The following SLC39A8 variants were observed in gnomAD, a reference collection of about 807,000 sequenced individuals.
The protein encoded by SLC39A8 is metal cation symporter ZIP8.
Under a neutral mutation model 40.4 loss-of-function variants are expected in SLC39A8, and 15 were observed. That is an observed-to-expected ratio of 0.37 (90% confidence interval 0.25 to 0.57). The LOEUF is 0.57. Among genes scored for constraint, SLC39A8 ranks in the 20% least tolerant of loss-of-function variants. The pLI, the probability that SLC39A8 is intolerant of heterozygous loss-of-function variation, is 0.75. For synonymous variants in SLC39A8, 223 were observed against 221.6 expected, an observed-to-expected ratio of 1.01 and a Z score of -0.06; for missense variants, 472 against 558.8, an observed-to-expected ratio of 0.84 and a Z score of 1.57.
rs1443581957 is a variant in SLC39A8 at position 102,304,998 on chromosome 4, T to A, written c.666A>T (p.Thr222=). The change falls in exon 5 of 9, where the codon ACA becomes ACT. Residue 222 remains threonine, a synonymous_variant. Coordinates refer to ENST00000356736, the MANE Select transcript of SLC39A8 (RefSeq NM_001135146.2). ...AATAAAGTCCATTTACCTGACCATATGTCTTTAATAACATCTTTAGCATTC... is the reference window on the plus strand; with the variant it reads ...AATAAAGTCCATTTACCTGACCATAAGTCTTTAATAACATCTTTAGCATTC... ...FERMLKMLLK[T]YGQNGHTHFG... 2 of 1,603,738 alleles carry A rather than the reference T, an allele frequency of 1.2e-6. No individual in the cohort carries two copies. The highest frequency in any genetic ancestry group is 3.4e-5 in the Admixed American group (2 of 59,264).
In SLC39A8 at chr4:102,293,612, T is replaced by C. The variant is rs955487192; in HGVS notation, c.840+10705A>G. Among the ~76,000 whole-genome samples the C allele has an allele frequency of 5.9e-5, 9 of 152,054 alleles. No individual in the cohort carries two copies. In the South Asian group the frequency reaches 1.9e-3, roughly 31 times the overall value. On this transcript the variant is annotated intron_variant, in intron 6 of 8. Transcript: ENST00000356736. ...AAAACAGTAGGAAAAAAGTTATCAT[T>C]TGTGATACCTGTGGAGCTACAAAGT...
intron 2 of SLC39A8, among the ~76,000 whole-genome samples, chr4:102,331,208 T>C (rs980757206): frequency 6.6e-6 from 1 of 152,148 alleles, no homozygotes; most frequent in Non-Finnish European, 1.5e-5. Flanking sequence ...TGAAGGGTAT[T>C]CAAACAGGAA....
chr4:102,270,557 T>C (rs1018738667), intron 6 of SLC39A8, among the ~76,000 whole-genome samples: 1 of 152,230 alleles, frequency 6.6e-6, no homozygotes, highest in African/African-American at 2.4e-5. Context: ...CTATTGTTAT[T>C]GTTGTTCACT....
At chr4:102,266,449 A>T (rs1022188713) in intron 8 of SLC39A8, among the ~76,000 whole-genome samples, 3 of 152,150 alleles carry the variant, frequency 2.0e-5, no homozygotes, top group African/African-American at 7.2e-5. Context: ...GAATGCAAAT[A>T]AAAAACTCAA....
chr4:102,283,949 G>A (rs1363502854), intron 6 of SLC39A8, among the ~76,000 whole-genome samples: 1 of 152,040 alleles, frequency 6.6e-6, no homozygotes, highest in Admixed American at 6.6e-5. Context: ...TTATTCTCTC[G>A]GATATTCACA....
chr4:102,271,356 GT>G (rs150666561), intron 6 of SLC39A8, among the ~76,000 whole-genome samples: 1,529 of 152,286 alleles, frequency 0.01, 27 homozygotes, highest in African/African-American at 0.035. Context: ...GATAGCTTCA[GT>G]AATAAAGTGA....
chr4:102,325,654 T>C (rs1365062383), intron 2 of SLC39A8, among the ~76,000 whole-genome samples: 1 of 152,214 alleles, frequency 6.6e-6, no homozygotes, highest in Non-Finnish European at 1.5e-5. Context: ...CTCTGAGTGG[T>C]AAAATTATGT....
chr4:102,327,004 T>C (rs1034884627), intron 2 of SLC39A8, among the ~76,000 whole-genome samples: 1 of 152,154 alleles, frequency 6.6e-6, no homozygotes, highest in African/African-American at 2.4e-5. Flanking sequence ...ATTTCTGGCC[T>C]GGCATGGTGG....
intron 6 of SLC39A8, among the ~76,000 whole-genome samples, chr4:102,274,267 A>G (rs1213505150): frequency 1.3e-5 from 2 of 152,234 alleles, no homozygotes; most frequent in African/African-American, 4.8e-5. Context: ...ATGATCTGAT[A>G]AAGTCGAAAA....
At chr4:102,258,506 T>C (rs926195812), downstream of SLC39A8, among the ~76,000 whole-genome samples, 5 of 152,124 alleles carry the variant, frequency 3.3e-5, no homozygotes, top group Non-Finnish European at 7.4e-5. Context: ...TTATTGAAAA[T>C]GTCCAATCCA....
intron 2 of SLC39A8, among the ~76,000 whole-genome samples, chr4:102,335,347 T>C (rs977497275): frequency 1.3e-5 from 2 of 152,192 alleles, no homozygotes; most frequent in African/African-American, 4.8e-5. Flanking sequence ...GGGCTAACTT[T>C]CTGTTTCCCT....
intron 2 of SLC39A8, among the ~76,000 whole-genome samples, chr4:102,336,174 C>T (rs916332130): frequency 6.6e-6 from 1 of 151,918 alleles, no homozygotes; most frequent in Non-Finnish European, 1.5e-5. Flanking sequence ...TATAAGTGCC[C>T]GAAATATGTT....
chr4:102,305,174 A>C, intron 4 of SLC39A8, 63 bp from the exon 5 acceptor site: 1 of 1,514,198 alleles, frequency 6.6e-7, no homozygotes. Context: ...TCTGGAAAAT[A>C]ATACCAGTAT....
At chr4:102,270,950 T>G (rs1463488179) in intron 6 of SLC39A8, among the ~76,000 whole-genome samples, 2 of 151,834 alleles carry the variant, frequency 1.3e-5, no homozygotes, top group African/African-American at 4.8e-5. Context: ...CAGAACAGTT[T>G]AAGGAAGGAG....
At chr4:102,294,735 T>C (rs1467649447) in intron 6 of SLC39A8, among the ~76,000 whole-genome samples, 1 of 152,074 alleles carries the variant, frequency 6.6e-6, no homozygotes, top group African/African-American at 2.4e-5. Context: ...AGAATAGTTT[T>C]TTCTTTAACA....
chr4:102,342,671 G>A (rs1166716028), intron 2 of SLC39A8, among the ~76,000 whole-genome samples: 1 of 152,154 alleles, frequency 6.6e-6, no homozygotes, highest in Non-Finnish European at 1.5e-5. Context: ...TGAGAAAACA[G>A]GTGTCAAGAT....
At position 102,279,628 on chromosome 4, in the gene SLC39A8, T is replaced by TG. The variant is rs1172762870; in HGVS notation, c.841-11550dup. Among the ~76,000 whole-genome samples, 6 of 152,212 alleles carry TG rather than the reference T, an allele frequency of 3.9e-5. No homozygotes were observed. The South Asian group carries it at 8.3e-4, about 21-fold the overall frequency. ...AGGTAAATACAGAAGGTATTGTCGA[T>TG]GGGGGGGCCCTATAATGAGCAGTTT... On this transcript the variant is annotated intron_variant, in intron 6 of 8. Transcript: ENST00000356736.
chr4:102,259,431 A>G (rs1435663100), downstream of SLC39A8: 5 of 1,485,754 alleles, frequency 3.4e-6, no homozygotes, highest in Admixed American at 9.9e-5. Context: ...CCCACCCATT[A>G]AAATTGTTCC....
intron 6 of SLC39A8, among the ~76,000 whole-genome samples, chr4:102,283,577 T>C (rs233818): frequency 0.75 from 110,343 of 147,412 alleles, 40,936 homozygotes; most frequent in African/African-American, 0.87. Context: ...TACTTCCAAT[T>C]GTTGAGGAGA....
Sources: gnomAD v4.1 joint callset for allele counts (sites outside exome capture counted in the v4.1 genomes callset) on GRCh38, gnomAD v4.1.1 for gene constraint, MANE v1.5 for transcripts, NCBI Gene and HGNC (gene_info 2026-07-23, HGNC 2026-07-21) for gene names.